The following GLI2 variants were observed in gnomAD, a reference collection of about 807,000 sequenced individuals.
GLI2 encodes transcription activator GLI2.
In GLI2, 22 loss-of-function variants were observed where a neutral mutation model predicts 78.9. The observed-to-expected ratio is 0.28, with a 90% CI of 0.20 to 0.40. GLI2 has a LOEUF of 0.40. Among genes scored for constraint, GLI2 ranks in the 10% least tolerant of loss-of-function variants. The pLI is 1.00. For missense variants in GLI2, 2,097 were observed against 2,213.2 expected (o/e 0.95, Z 1.05); for synonymous variants, 974 against 963.7 (o/e 1.01, Z -0.20).
chr2:120,926,180 T>A (rs1392754909), intron 2 of GLI2, among the ~76,000 whole-genome samples: 1 of 149,458 alleles, frequency 6.7e-6, no homozygotes, highest in African/African-American at 2.5e-5. Flanking sequence ...TGTACCAGAA[T>A]CTGTTTGCAC....
Position 120,738,852 on chromosome 2 carries a change from C to G in GLI2, c.-31+2567C>G, listed in dbSNP as rs992198550. Among the ~76,000 whole-genome samples, 112 of 152,200 alleles carry G rather than the reference C, an allele frequency of 7.4e-4. 1 individual carries two copies. The highest frequency in any genetic ancestry group is 7.3e-3 in the Admixed American group (112 of 15,276). On this transcript the variant is annotated intron_variant, in intron 1 of 13. Transcript: ENST00000361492. ...TGCTCCCAAACTCATTCTGCTCTGG[C>G]CTTGAAGGGGACTCTTGACTCGTGG...
chr2:120,863,367 G>A (rs1026179283), intron 2 of GLI2, among the ~76,000 whole-genome samples: 2 of 152,160 alleles, frequency 1.3e-5, no homozygotes, highest in Admixed American at 6.5e-5. Context: ...TCCTGACCGC[G>A]GTCTCCACCC....
At position 120,878,246 on chromosome 2, in the gene GLI2, A is replaced by T. The variant is rs375605672; in HGVS notation, c.149-49115A>T. Reference sequence around the variant, plus strand: ...CTCCCTCCCAGGGGCAGAGCAAGGAAGTCAAGACAATCTTTTCTCCTTACG... The same window carrying T: ...CTCCCTCCCAGGGGCAGAGCAAGGATGTCAAGACAATCTTTTCTCCTTACG... On this transcript the variant is annotated intron_variant, in intron 2 of 13. Transcript: ENST00000361492. Among the ~76,000 whole-genome samples the T allele has an allele frequency of 3.3e-5, 5 of 152,336 alleles. No homozygotes were observed. The East Asian group carries it at 7.7e-4, about 23-fold the overall frequency.
rs116436396 is a variant in GLI2 at position 120,947,565 on chromosome 2, G to A, written c.255-3678G>A. ...ACGATGGCCAGTGGGCCTGTCTCTG[G>A]TATTGTGTGCCCTGGGTTTCCAGGC... On this transcript the variant is annotated intron_variant, in intron 3 of 13. Coordinates refer to ENST00000361492, the MANE Select transcript of GLI2 (RefSeq NM_001374353.1). Among the ~76,000 whole-genome samples the A allele has an allele frequency of 8.1e-4, 124 of 152,182 alleles. 1 individual carries two copies. Among genetic ancestry groups the A allele is most frequent in the African/African-American group, 2.6e-3 (109 of 41,528 alleles).
At chr2:120,812,560 T>C (rs374273578) in intron 2 of GLI2, among the ~76,000 whole-genome samples, 1 of 152,144 alleles carries the variant, frequency 6.6e-6, no homozygotes, top group African/African-American at 2.4e-5. Flanking sequence ...GGCCCTTCTT[T>C]CCATCACTGG....
At chr2:120,763,418 G>C (rs904422294) in intron 1 of GLI2, among the ~76,000 whole-genome samples, 2 of 152,258 alleles carry the variant, frequency 1.3e-5, no homozygotes, top group Non-Finnish European at 2.9e-5. Context: ...GGGCCACTAG[G>C]CAGAGAAAGC....
chr2:120,815,442 C>A (rs1685447495), intron 2 of GLI2, among the ~76,000 whole-genome samples: 1 of 152,150 alleles, frequency 6.6e-6, no homozygotes, highest in Admixed American at 6.5e-5. Flanking sequence ...ACCATGCAGA[C>A]AGCATTGCCT....
At chr2:120,776,431 G>C (rs747916457) in intron 1 of GLI2, among the ~76,000 whole-genome samples, 1 of 152,160 alleles carries the variant, frequency 6.6e-6, no homozygotes, top group Admixed American at 6.5e-5. Flanking sequence ...TTGCTCTGGC[G>C]TGTTTGGTGG....
At chr2:120,943,048 G>A (rs910703572) in intron 3 of GLI2, among the ~76,000 whole-genome samples, 11 of 152,236 alleles carry the variant, frequency 7.2e-5, no homozygotes, top group African/African-American at 2.2e-4. Flanking sequence ...CATGTGCGGA[G>A]CCAGGTGCAG....
intron 2 of GLI2, among the ~76,000 whole-genome samples, chr2:120,841,173 G>T (rs1686851092): frequency 6.6e-6 from 1 of 152,242 alleles, no homozygotes; most frequent in Non-Finnish European, 1.5e-5. Context: ...AGAAAGAACT[G>T]TGTAATTATT....
intron 2 of GLI2, among the ~76,000 whole-genome samples, chr2:120,878,552 G>A (rs1341593872): frequency 2.0e-5 from 3 of 152,186 alleles, no homozygotes; most frequent in African/African-American, 7.2e-5. Context: ...AAAGGATACA[G>A]AATTACATAC....
intron 5 of GLI2, 55 bp from the exon 6 acceptor site, chr2:120,968,659 A>ACCCCCGC: frequency 8.6e-7 from 1 of 1,168,952 alleles, no homozygotes; most frequent in Non-Finnish European, 1.3e-6. Flanking sequence ...CCCACATGTC[A>ACCCCCGC]CCCCCTCCCC....
chr2:120,925,669 G>A (rs1679626487), intron 2 of GLI2, among the ~76,000 whole-genome samples: 1 of 152,312 alleles, frequency 6.6e-6, no homozygotes, highest in East Asian at 1.9e-4. Flanking sequence ...GGAGAGTAAT[G>A]GGAGTTAGTG....
chr2:120,793,488 A>T (rs1158508129), intron 1 of GLI2, among the ~76,000 whole-genome samples: 1 of 152,122 alleles, frequency 6.6e-6, no homozygotes. Context: ...CCTGCCTCAG[A>T]TGAGCTTTGG....
chr2:120,871,486 G>A (rs1048820404), intron 2 of GLI2, among the ~76,000 whole-genome samples: 4 of 152,234 alleles, frequency 2.6e-5, no homozygotes, highest in African/African-American at 9.6e-5. Context: ...CTGACACCTG[G>A]CTGGCCACAC....
chr2:120,853,415 G>A (rs1263427641), intron 2 of GLI2, among the ~76,000 whole-genome samples: 2 of 152,172 alleles, frequency 1.3e-5, no homozygotes, highest in Non-Finnish European at 2.9e-5. Context: ...TTCCACCATT[G>A]GTTCTGGGGA....
chr2:120,989,391 C>T lies in GLI2; in HGVS notation c.3426C>T (p.Ser1142=). The change falls in exon 14 of 14, where the codon AGC becomes AGT. Residue 1142 remains serine, a synonymous_variant. Coordinates refer to ENST00000361492, the MANE Select transcript of GLI2 (RefSeq NM_001374353.1). ...VSSGTVDALA[S]QVKPPPFPQG... The stretch of plus-strand genomic sequence containing the variant: ...CCGGCACCGTAGACGCCCTGGCCAG[C>T]CAGGTGAAGCCTCCACCCTTTCCTC... 6.2e-7 allele frequency: 1 copy of T among 1,613,020 alleles called. No individual in the cohort carries two copies. Among genetic ancestry groups the T allele is most frequent in the Non-Finnish European group, 8.5e-7 (1 of 1,179,970 alleles).
intron 8 of GLI2, among the ~76,000 whole-genome samples, chr2:120,973,122 CT>C (rs1449452602): frequency 6.6e-6 from 1 of 152,214 alleles, no homozygotes; most frequent in Non-Finnish European, 1.5e-5. Context: ...GCTCTGGGCA[CT>C]TAATTTTCAT....
intron 2 of GLI2, among the ~76,000 whole-genome samples, chr2:120,909,887 T>C (rs954621098): frequency 6.6e-6 from 1 of 152,188 alleles, no homozygotes; most frequent in Non-Finnish European, 1.5e-5. Flanking sequence ...AATAAAATTT[T>C]AAAATCCACT....
Sources: gnomAD v4.1 joint callset for allele counts (sites outside exome capture counted in the v4.1 genomes callset) on GRCh38, gnomAD v4.1.1 for gene constraint, MANE v1.5 for transcripts, NCBI Gene and HGNC (gene_info 2026-07-23, HGNC 2026-07-21) for gene names.